CAMSAP1: variants seen among roughly 807,000 people sequenced by gnomAD.
CAMSAP1 encodes calmodulin regulated spectrin associated protein 1.
In CAMSAP1, 58 loss-of-function variants were observed where a neutral mutation model predicts 143.5. The observed-to-expected ratio is 0.40, with a 90% CI of 0.33 to 0.50. The LOEUF is 0.50. CAMSAP1 is among the 20% of genes least tolerant of loss of function. The probability of loss-of-function intolerance (pLI) is 0.45; values close to 1 mark genes in which losing one functional copy is unlikely to be tolerated. For synonymous variants in CAMSAP1, 945 were observed against 859.3 expected, an observed-to-expected ratio of 1.10 and a Z score of -1.74; for missense variants, 1,969 against 2,115.7, an observed-to-expected ratio of 0.93 and a Z score of 1.36.
chr9:135,817,813 G>A, intron 14 of CAMSAP1, 164 bp downstream of exon 14: 1 of 632,780 alleles, frequency 1.6e-6, no homozygotes, highest in Non-Finnish European at 2.7e-6. Context: ...CGTGTGAAGG[G>A]CACTGGTATT....
At chr9:135,866,367 T>A (rs1837378744) in intron 4 of CAMSAP1, 89 bp downstream of exon 4, 2 of 714,894 alleles carry the variant, frequency 2.8e-6, no homozygotes, top group African/African-American at 3.6e-5. Flanking sequence ...AAATAGAGAA[T>A]AAGCAAATAG....
intron 7 of CAMSAP1, among the ~76,000 whole-genome samples, chr9:135,829,799 G>A (rs1293021834): frequency 6.6e-6 from 1 of 151,918 alleles, no homozygotes; most frequent in East Asian, 1.9e-4. Flanking sequence ...GTTGCAGCGA[G>A]CTGAGATTGT....
In CAMSAP1 at chr9:135,822,912, C is replaced by T. The variant is rs761940104; in HGVS notation, c.1749G>A (p.Ser583=). Residue 583 remains serine (S), a synonymous_variant, in exon 11 of 17, where the codon TCG becomes TCA. Transcript: ENST00000389532. The surrounding 1 kb of genome is among the most constrained non-coding windows in gnomAD (Gnocchi z 6.1). ...AGAAAAAACTGTCAGGCTTACTTTCCGAGGTGTCCAGCTGTCCTTGGGGAG... is the reference window on the plus strand; with the variant it reads ...AGAAAAAACTGTCAGGCTTACTTTCTGAGGTGTCCAGCTGTCCTTGGGGAG... ...ARSPQGQLDT[S]ESKPDSFFLE... 30 of 1,613,950 alleles carry T rather than the reference C, an allele frequency of 1.9e-5. No individual in the cohort carries two copies. Among genetic ancestry groups the T allele is most frequent in the South Asian group, 1.2e-4 (11 of 91,074 alleles).
intron 1 of CAMSAP1, among the ~76,000 whole-genome samples, chr9:135,888,220 A>G (rs1038939341): frequency 3.9e-5 from 6 of 152,238 alleles, no homozygotes; most frequent in Middle Eastern, 3.2e-3. Flanking sequence ...AGCTGAGCAT[A>G]AGCTCTGTGG....
chr9:135,866,570 T>C (rs941772095), intron 3 of CAMSAP1, 34 bp from the exon 4 acceptor site: 10 of 994,308 alleles, frequency 1.0e-5, no homozygotes, highest in Non-Finnish European at 1.4e-5. Flanking sequence ...AAAGAGGTAA[T>C]TGCTGTCCCG....
At chr9:135,890,374 C>T (rs1838252313) in intron 1 of CAMSAP1, among the ~76,000 whole-genome samples, 1 of 152,116 alleles carries the variant, frequency 6.6e-6, no homozygotes, top group African/African-American at 2.4e-5. Context: ...AATCACCAGG[C>T]CAAGTTCAGG....
chr9:135,816,453 C>T (rs1835232960), intron 14 of CAMSAP1, among the ~76,000 whole-genome samples: 1 of 152,186 alleles, frequency 6.6e-6, no homozygotes, highest in African/African-American at 2.4e-5. Flanking sequence ...GTCCCAGTGA[C>T]GCTGATCCCT....
At chr9:135,828,363 G>C (rs1339373490) in intron 7 of CAMSAP1, among the ~76,000 whole-genome samples, 2 of 152,216 alleles carry the variant, frequency 1.3e-5, no homozygotes, top group South Asian at 2.1e-4. Flanking sequence ...GTAAGGACGA[G>C]CGGGTGGCGG....
chr9:135,875,354 C>A (rs1279894616), intron 3 of CAMSAP1, among the ~76,000 whole-genome samples: 2 of 152,030 alleles, frequency 1.3e-5, no homozygotes, highest in Non-Finnish European at 2.9e-5. Flanking sequence ...GGATTACAGG[C>A]ATGTGCCACC....
At chr9:135,816,650 G>A (rs961693832) in intron 14 of CAMSAP1, among the ~76,000 whole-genome samples, 1 of 152,186 alleles carries the variant, frequency 6.6e-6, no homozygotes, top group African/African-American at 2.4e-5. Context: ...GCAGTCCCTC[G>A]GAGGGATCTG....
Position 135,818,335 on chromosome 9 carries a change from A to C in CAMSAP1, c.4168+73T>G. 1 of 1,449,368 alleles carries C rather than the reference A, an allele frequency of 6.9e-7. No individual in the cohort carries two copies. Among genetic ancestry groups the C allele is most frequent in the African/African-American group, 1.4e-5 (1 of 71,040 alleles). The allele number at this position is 1,449,368 out of a possible 1,614,324, so 89.8% of individuals were successfully genotyped here. A position where few individuals can be genotyped will look rare whatever the true frequency, so the allele number is the denominator to read the frequency against. On this transcript the variant is annotated intron_variant, in intron 13 of 16. Coordinates refer to ENST00000389532, the MANE Select transcript of CAMSAP1 (RefSeq NM_015447.4). This position sits in a 1 kb window ranked among gnomAD's most constrained non-coding sequence, Gnocchi z 7.7. The stretch of plus-strand genomic sequence containing the variant: ...CACACCACTCTTGATGACAAAATTG[A>C]AATGAGCTGAAGAACGTGAGGCCGC...
chr9:135,823,868 G>A (rs1254009943), intron 10 of CAMSAP1, 82 bp downstream of exon 10: 7 of 1,073,944 alleles, frequency 6.5e-6, no homozygotes, highest in Admixed American at 4.0e-5. Context: ...GTGATCCTCA[G>A]GGGGTTGGGG....
chr9:135,870,752 A>G (rs1042010306), intron 3 of CAMSAP1, among the ~76,000 whole-genome samples: 1 of 152,178 alleles, frequency 6.6e-6, no homozygotes, highest in Admixed American at 6.5e-5. Context: ...CCAAGATCAC[A>G]CCATGGCACT....
At position 135,808,837 on chromosome 9, in the gene CAMSAP1, A is replaced by G. The variant is rs1834938256; in HGVS notation, c.*2472T>C. 1 of 152,246 alleles carries G rather than the reference A, an allele frequency of 6.6e-6. No homozygotes were observed. The highest frequency in any genetic ancestry group is 2.4e-5 in the African/African-American group (1 of 41,468). The allele number at this position is 152,246 out of a possible 1,614,324, so 9.4% of individuals were successfully genotyped here. A position where few individuals can be genotyped will look rare whatever the true frequency, so the allele number is the denominator to read the frequency against. ...AACCCTTCTGGGCTCCCAGAATTCT[A>G]GCATTACCAAGGATTTACACATAAA... On this transcript the variant is annotated 3_prime_UTR_variant, in exon 17 of 17. Coordinates refer to ENST00000389532, the MANE Select transcript of CAMSAP1 (RefSeq NM_015447.4).
intron 3 of CAMSAP1, 95 bp downstream of exon 3, chr9:135,881,538 G>A: frequency 7.3e-7 from 1 of 1,366,692 alleles, no homozygotes; most frequent in Non-Finnish European, 1.0e-6. Context: ...GAAGGGCTGG[G>A]TCTCAGCGTG....
At chr9:135,865,016 T>C (rs1837325779) in intron 4 of CAMSAP1, among the ~76,000 whole-genome samples, 1 of 152,144 alleles carries the variant, frequency 6.6e-6, no homozygotes. Flanking sequence ...ACAGAGTAAC[T>C]TGGGCAACTA....
intron 1 of CAMSAP1, among the ~76,000 whole-genome samples, chr9:135,886,834 G>A (rs577215170): frequency 1.3e-5 from 2 of 152,368 alleles, no homozygotes; most frequent in East Asian, 3.9e-4. Flanking sequence ...CACTGCCCAG[G>A]AGGCGTGAGC....
intron 8 of CAMSAP1, among the ~76,000 whole-genome samples, chr9:135,825,149 G>T (rs1414344348): frequency 6.6e-6 from 1 of 152,062 alleles, no homozygotes; most frequent in African/African-American, 2.4e-5. Flanking sequence ...AAACCCAAGC[G>T]TGCAATTAGA....
At position 135,822,402 on chromosome 9, in the gene CAMSAP1, C is replaced by T; in HGVS notation, c.2259G>A (p.Met753Ile). 1 of 1,614,042 alleles carries T rather than the reference C, an allele frequency of 6.2e-7. No homozygotes were observed. The highest frequency in any genetic ancestry group is 8.5e-7 in the Non-Finnish European group (1 of 1,179,902). ...VDIEEAEHDFMGEAHPVVFSR... is the reference protein window; with the variant it reads ...VDIEEAEHDFIGEAHPVVFSR... ...TGAAAACCACAGGATGGGCCTCACC[C>T]ATGAAATCGTGCTCGGCTTCCTCTA... Residue 753 changes from methionine (M) to isoleucine (I), a missense_variant, in exon 11 of 17, where the codon ATG becomes ATA. By Grantham distance (10) the Met-to-Ile change is conservative (BLOSUM62 1). Around this residue, in one of 4 missense-constraint regions of CAMSAP1, gnomAD observed 1,390 missense variants for 1,420.8 expected, o/e 0.98. Transcript: ENST00000389532. This position sits in a 1 kb window ranked among gnomAD's most constrained non-coding sequence, Gnocchi z 6.1.
Sources: gnomAD v4.1 joint callset for allele counts (sites outside exome capture counted in the v4.1 genomes callset) on GRCh38, gnomAD v4.1.1 for gene constraint, gnomAD v4.1.1 regional missense constraint, Gnocchi (gnomAD v3.1) non-coding constraint, MANE v1.5 for transcripts, NCBI Gene and HGNC (gene_info 2026-07-23, HGNC 2026-07-21) for gene names.